Variants in ANKRD11 observed in about 807,000 individuals in gnomAD.
ANKRD11 encodes ankyrin repeat domain-containing protein 11.
A neutral mutation model predicts 195.7 loss-of-function variants in ANKRD11; 17 were observed. The ratio of observed to expected loss-of-function variants is 0.09; its 90% confidence interval spans 0.06 to 0.13. The LOEUF (loss-of-function observed/expected upper bound fraction) is 0.13. Among genes scored for constraint, ANKRD11 ranks in the 10% least tolerant of loss-of-function variants. The pLI is 1.00. For synonymous variants in ANKRD11, 1,953 were observed against 1,528.1 expected (o/e 1.28, Z -6.49); for missense variants, 3,735 against 3,566.1 (o/e 1.05, Z -1.21).
chr16:89,360,757 AGAG>A (rs2039693978), intron 2 of ANKRD11: 1 of 152,214 alleles, frequency 6.6e-6, no homozygotes, highest in Non-Finnish European at 1.5e-5. Flanking sequence ...ATGGAGAGGA[AGAG>A]GAGAAGAAAA....
At chr16:89,428,522 C>G (rs940555175) in intron 1 of ANKRD11, among the ~76,000 whole-genome samples, 2 of 151,934 alleles carry the variant, frequency 1.3e-5, no homozygotes, top group African/African-American at 4.8e-5. Context: ...GAGACTACAT[C>G]TCAAAATGAA....
chr16:89,278,539 G>C (rs1416298363), intron 9 of ANKRD11: 1 of 456,790 alleles, frequency 2.2e-6, no homozygotes, highest in Admixed American at 2.3e-5. Flanking sequence ...GGGTCAGGTG[G>C]AACAAGGTGA....
intron 2 of ANKRD11, chr16:89,372,717 C>G (rs543248784): frequency 2.0e-5 from 3 of 152,270 alleles, no homozygotes; most frequent in Admixed American, 1.3e-4. Flanking sequence ...CTAGTAAACG[C>G]TGAGCCCGGG....
chr16:89,326,649 G>A (rs1039798310), intron 2 of ANKRD11, among the ~76,000 whole-genome samples: 5 of 152,152 alleles, frequency 3.3e-5, no homozygotes, highest in African/African-American at 1.2e-4. Flanking sequence ...GCCTGAGGCA[G>A]GAAGACCCCT....
intron 4 of ANKRD11, among the ~76,000 whole-genome samples, chr16:89,293,591 C>T (rs1450014403): frequency 1.8e-5 from 2 of 108,188 alleles, no homozygotes; most frequent in Non-Finnish European, 3.7e-5. Context: ...GGAGCTGGGG[C>T]AGAGTTGGGG....
At position 89,282,444 on chromosome 16, in the gene ANKRD11, G is replaced by A. The variant is rs139941928; in HGVS notation, c.4098C>T (p.Ala1366=). The A allele has an allele frequency of 6.8e-5, 110 of 1,613,978 alleles. No individual in the cohort carries two copies. Among genetic ancestry groups the A allele is most frequent in the Non-Finnish European group, 9.1e-5 (107 of 1,180,016 alleles). Residue 1366 remains alanine, a synonymous_variant, in exon 9 of 13, where the codon GCC becomes GCT. Transcript: ENST00000301030. ...CTTTCTTCTCGGCCTTCTCTTTCTT[G>A]GCTCGCTCTCGGTCGTGGCTCTTCT... ...SSKKSHDRER[A]KKEKAEKKEK... is the part of the protein sequence containing the mutation.
chr16:89,303,863 C>T (rs766963795), intron 4 of ANKRD11, among the ~76,000 whole-genome samples: 1 of 152,206 alleles, frequency 6.6e-6, no homozygotes. Flanking sequence ...CAATCTCCTT[C>T]GTATCACGAG....
At chr16:89,410,539 A>G (rs997789821) in intron 2 of ANKRD11, among the ~76,000 whole-genome samples, 2 of 152,156 alleles carry the variant, frequency 1.3e-5, no homozygotes, top group African/African-American at 4.8e-5. Context: ...CCCGGGCTAC[A>G]AAGGCCACCC....
intron 2 of ANKRD11, among the ~76,000 whole-genome samples, chr16:89,416,229 C>T (rs2042306278): frequency 6.6e-6 from 1 of 152,102 alleles, no homozygotes; most frequent in Non-Finnish European, 1.5e-5. Flanking sequence ...AGGCCAATTC[C>T]AGGTCCTGTC....
At chr16:89,308,118 G>C (rs1390557948) in intron 3 of ANKRD11, among the ~76,000 whole-genome samples, 6 of 152,180 alleles carry the variant, frequency 3.9e-5, no homozygotes, top group Admixed American at 2.6e-4. Context: ...CCTCATCTCA[G>C]AACCTGATGA....
At chr16:89,401,900 C>G (rs866185159) in intron 2 of ANKRD11, among the ~76,000 whole-genome samples, 5 of 151,926 alleles carry the variant, frequency 3.3e-5, no homozygotes, top group African/African-American at 1.2e-4. Context: ...CAGAGACTCC[C>G]CCATCCCCCA....
intron 4 of ANKRD11, chr16:89,301,001 G>A (rs1199050496): frequency 1.6e-6 from 1 of 633,680 alleles, no homozygotes; most frequent in Non-Finnish European, 2.9e-6. Flanking sequence ...CACAGACGAA[G>A]GCGCAGGAGA....
chr16:89,298,553 T>A (rs12598972), intron 4 of ANKRD11, among the ~76,000 whole-genome samples: 4,269 of 152,270 alleles, frequency 0.028, 296 homozygotes, highest in East Asian at 0.26. Context: ...CCCCCCTCAC[T>A]TGGCTGACTG....
chr16:89,334,326 T>G (rs1268063949), intron 2 of ANKRD11, among the ~76,000 whole-genome samples: 2 of 151,876 alleles, frequency 1.3e-5, no homozygotes, highest in African/African-American at 4.8e-5. Flanking sequence ...ACGGCCAAGT[T>G]TCTGAAGTTG....
chr16:89,451,269 G>A (rs2044058497), intron 1 of ANKRD11, among the ~76,000 whole-genome samples: 1 of 152,146 alleles, frequency 6.6e-6, no homozygotes, highest in African/African-American at 2.4e-5. Context: ...TTAATTATCT[G>A]TAAAGACAAA....
intron 2 of ANKRD11, among the ~76,000 whole-genome samples, chr16:89,406,514 C>T (rs1400851427): frequency 6.6e-6 from 1 of 152,160 alleles, no homozygotes; most frequent in African/African-American, 2.4e-5. Flanking sequence ...TGGCCATGCC[C>T]GGTGTCAGCA....
intron 1 of ANKRD11, among the ~76,000 whole-genome samples, chr16:89,468,383 C>G (rs138906243): frequency 6.6e-6 from 1 of 152,244 alleles, no homozygotes; most frequent in Non-Finnish European, 1.5e-5. Context: ...CCCAGTCTCA[C>G]TCACCGATTT....
At chr16:89,480,617 A>G (rs1413181214) in intron 1 of ANKRD11, among the ~76,000 whole-genome samples, 1 of 152,206 alleles carries the variant, frequency 6.6e-6, no homozygotes, top group Non-Finnish European at 1.5e-5. Context: ...TATTTGGGCA[A>G]ACAGAATCCC....
intron 2 of ANKRD11, among the ~76,000 whole-genome samples, chr16:89,384,037 T>C (rs938442889): frequency 6.6e-6 from 1 of 152,092 alleles, no homozygotes; most frequent in Non-Finnish European, 1.5e-5. Context: ...CTGGCCAACA[T>C]GGCAAAACCC....
Sources: allele counts gnomAD v4.1 joint callset (sites outside exome capture counted in the v4.1 genomes callset), GRCh38; gene constraint gnomAD v4.1.1; transcripts MANE v1.5; gene names NCBI Gene and HGNC (gene_info 2026-07-23, HGNC 2026-07-21).